The following BRSK1 variants were observed in gnomAD, a reference collection of about 807,000 sequenced individuals.
BRSK1 encodes serine/threonine-protein kinase BRSK1.
In BRSK1, 17 loss-of-function variants were observed where a neutral mutation model predicts 86.2. The ratio of observed to expected loss-of-function variants is 0.20; its 90% CI spans 0.14 to 0.30. The LOEUF (loss-of-function observed/expected upper bound fraction) is 0.30. Ranked by LOEUF, BRSK1 falls within the 10% of genes least tolerant of loss-of-function variation. The probability of loss-of-function intolerance (pLI) is 1.00; values close to 1 mark genes in which losing one functional copy is unlikely to be tolerated. For missense variants in BRSK1, 719 were observed against 1,071.9 expected (o/e 0.67, Z 4.60); for synonymous variants, 464 against 440.1 (o/e 1.05, Z -0.68).
rs2088647401 is a variant in BRSK1, at chr19:55,306,152, C to T, written c.1891-100C>T. 1 of 1,188,908 alleles carries T rather than the reference C, an allele frequency of 8.4e-7. No homozygotes were observed. The highest frequency in any genetic ancestry group is 1.2e-6 in the Non-Finnish European group (1 of 835,408). 73.6% of individuals were successfully genotyped at this position (1,188,908 alleles called of 1,614,324 possible). A position where few individuals can be genotyped will look rare whatever the true frequency, so the allele number is the denominator to read the frequency against. On this transcript the variant is annotated intron_variant, in intron 16 of 18. Coordinates refer to ENST00000309383, the MANE Select transcript of BRSK1 (RefSeq NM_032430.2). This position sits in a 1 kb window ranked among gnomAD's most constrained non-coding sequence, Gnocchi z 4.7. ...TGCATTTCCTGTCCTTCTTTCCCTCCAGTGGCTCATGGGACTCGTAGTTCC... is the reference window on the plus strand; with the variant it reads ...TGCATTTCCTGTCCTTCTTTCCCTCTAGTGGCTCATGGGACTCGTAGTTCC...
At position 55,303,221 on chromosome 19, in the gene BRSK1, T is replaced by C. The variant is rs1255104270; in HGVS notation, c.1029-90T>C. 2.9e-6 allele frequency: 3 copies of C among 1,029,490 alleles called. No homozygotes were observed. The African/African-American group carries it at 4.7e-5, about 16-fold the overall frequency. 63.8% of individuals were successfully genotyped at this position (1,029,490 alleles called of 1,614,324 possible). A position where few individuals can be genotyped will look rare whatever the true frequency, so the allele number is the denominator to read the frequency against. On this transcript the variant is annotated intron_variant, in intron 10 of 18. Coordinates refer to ENST00000309383, the MANE Select transcript of BRSK1 (RefSeq NM_032430.2). The surrounding 1 kb of genome is among the most constrained non-coding windows in gnomAD (Gnocchi z 5.1). The stretch of plus-strand genomic sequence containing the variant: ...GAAAAAATGGAACCATGGGCAGAAA[T>C]ACAGGGAGCGGAGGAGACCTCCTCT...
chr19:55,300,676 T>A (rs2122970628), intron 7 of BRSK1, among the ~76,000 whole-genome samples: 1 of 152,094 alleles, frequency 6.6e-6, no homozygotes, highest in East Asian at 1.9e-4. Context: ...CCGTCTCTAT[T>A]AAAAATAAAA....
rs575491180 is a variant in BRSK1 at position 55,296,173 on chromosome 19, C to T, written c.678+1776C>T. On this transcript the variant is annotated intron_variant, in intron 7 of 18. Coordinates refer to ENST00000309383, the MANE Select transcript of BRSK1 (RefSeq NM_032430.2). The stretch of plus-strand genomic sequence containing the variant: ...CTCCCCACTCCTGTAAGGTCAGACC[C>T]CCCTGTGGTAGGCTCCCTTCTTCCT... 2.9e-4 allele frequency among the ~76,000 whole-genome samples: 44 copies of T among 152,200 alleles called. 1 individual carries two copies. The highest frequency in any genetic ancestry group is 9.7e-4 in the East Asian group (5 of 5,168).
intron 3 of BRSK1, among the ~76,000 whole-genome samples, chr19:55,289,185 A>G (rs763977462): frequency 8.5e-5 from 13 of 152,118 alleles, no homozygotes; most frequent in African/African-American, 1.2e-4. Context: ...TGAAGCTGAC[A>G]TGGGAGGCTC....
intron 8 of BRSK1, 143 bp downstream of exon 8, chr19:55,301,801 G>A (rs2088572904): frequency 2.8e-6 from 3 of 1,085,334 alleles, no homozygotes; most frequent in Non-Finnish European, 3.9e-6. Context: ...CGCAGCCCAA[G>A]GTCCAGCACA....
chr19:55,303,597 A>C lies in BRSK1; in HGVS notation c.1127-70A>C, dbSNP rs2088603823. On this transcript the variant is annotated intron_variant, in intron 11 of 18. Coordinates refer to ENST00000309383, the MANE Select transcript of BRSK1 (RefSeq NM_032430.2). This position sits in a 1 kb window ranked among gnomAD's most constrained non-coding sequence, Gnocchi z 5.1. ...TCTAGGCCTGTTTCCCCATGTGTGCAGTTTCTGAGGCAGTTGTACACAGCT... is the reference window on the plus strand; with the variant it reads ...TCTAGGCCTGTTTCCCCATGTGTGCCGTTTCTGAGGCAGTTGTACACAGCT... The C allele has an allele frequency of 5.8e-6, 9 of 1,545,038 alleles. No individual in the cohort carries two copies. The highest frequency in any genetic ancestry group is 2.3e-5 in the East Asian group (1 of 44,304).
At position 55,289,537 on chromosome 19, in the gene BRSK1, G is replaced by A; in HGVS notation, c.375G>A (p.Lys125=). 3 of 1,614,108 alleles carry A rather than the reference G, an allele frequency of 1.9e-6. No homozygotes were observed. Among genetic ancestry groups the A allele is most frequent in the Non-Finnish European group, 2.5e-6 (3 of 1,180,026 alleles). The change falls in exon 4 of 19, where the codon AAG becomes AAA. Residue 125 remains lysine, a synonymous_variant. Transcript: ENST00000309383. ...AGCTATTCGACTACCTGGTAAAGAA[G>A]GGGAGACTGACGCCCAAGGAGGCCC... The part of the protein sequence containing the change: ...GGELFDYLVK[K]GRLTPKEARK...
At chr19:55,311,846 C>T (rs1433538112) in intron 18 of BRSK1, 65 bp from the exon 19 acceptor site, 4 of 1,550,236 alleles carry the variant, frequency 2.6e-6, no homozygotes, top group Non-Finnish European at 3.5e-6. Flanking sequence ...TGCCCCCATC[C>T]CCTGGTAATG....
At chr19:55,307,378 G>A (rs1251458926) in intron 17 of BRSK1, among the ~76,000 whole-genome samples, 1 of 151,764 alleles carries the variant, frequency 6.6e-6, no homozygotes, top group Non-Finnish European at 1.5e-5. Context: ...GGTGAAACCT[G>A]TCTCTACTAA....
intron 4 of BRSK1, among the ~76,000 whole-genome samples, chr19:55,293,757 C>T (rs914553011): frequency 6.6e-6 from 1 of 152,020 alleles, no homozygotes; most frequent in Non-Finnish European, 1.5e-5. Flanking sequence ...TTGCAGTGAG[C>T]CGAGATCATG....
chr19:55,306,553 G>A lies in BRSK1; in HGVS notation c.2089+103G>A. ...AGTGCAGCAGCAGGAGGAGGAAATG[G>A]TGTTCAGCTGGTGCCGACTCTCTGT... On this transcript the variant is annotated intron_variant, in intron 17 of 18. Transcript: ENST00000309383. The surrounding 1 kb of genome is among the most constrained non-coding windows in gnomAD (Gnocchi z 4.7). The A allele has an allele frequency of 7.3e-7, 1 of 1,374,444 alleles. No individual in the cohort carries two copies. 85.1% of individuals were successfully genotyped at this position (1,374,444 alleles called of 1,614,324 possible).
At chr19:55,288,498 A>G (rs1213413416) in intron 3 of BRSK1, among the ~76,000 whole-genome samples, 1 of 147,462 alleles carries the variant, frequency 6.8e-6, no homozygotes, top group African/African-American at 2.7e-5. Context: ...AAAAACTCCA[A>G]ACAACAACAA....
At chr19:55,291,225 C>T (rs921918567) in intron 4 of BRSK1, among the ~76,000 whole-genome samples, 9 of 152,080 alleles carry the variant, frequency 5.9e-5, no homozygotes, top group African/African-American at 2.2e-4. Flanking sequence ...CTGCGCCTGG[C>T]CTATGTGTCC....
Position 55,305,334 on chromosome 19 carries a change from G to A in BRSK1, c.1731G>A (p.Glu577=), listed in dbSNP as rs749223331. The A allele has an allele frequency of 2.5e-6, 4 of 1,614,156 alleles. No homozygotes were observed. The highest frequency in any genetic ancestry group is 1.7e-5 in the Admixed American group (1 of 60,024). ...TCCCCCTACCAGTCCCTACCGCTGA[G>A]GAGATGTCCAGCTTGACGCCAGAGT... ...HRRKMQVPTA[E]EMSSLTPESS... The change falls in exon 15 of 19, where the codon GAG becomes GAA. Residue 577 remains glutamate, a synonymous_variant. Coordinates refer to ENST00000309383, the MANE Select transcript of BRSK1 (RefSeq NM_032430.2).
chr19:55,301,537 A>G lies in BRSK1; in HGVS notation c.704A>G (p.Asn235Ser). The change falls in exon 8 of 19, where the codon AAC (asparagine) becomes AGC (serine). Residue 235 changes from asparagine to serine, a missense_variant. Asn to Ser is a conservative substitution (Grantham distance 46). Around this residue, in one of 6 missense-constraint regions of BRSK1, gnomAD observed 75 missense variants for 281.0 expected, o/e 0.27. Transcript: ENST00000309383. ...GGGGCTCTGCCCTTTGATGACGACA[A>G]CCTCCGCCAGCTGCTGGAGAAGGTG... ...LVGALPFDDD[N>S]LRQLLEKVKR... 1.9e-6 allele frequency: 3 copies of G among 1,613,432 alleles called. No homozygotes were observed. Among genetic ancestry groups the G allele is most frequent in the Non-Finnish European group, 2.5e-6 (3 of 1,179,876 alleles).
In BRSK1 at chr19:55,310,762, C is replaced by T. The variant is rs777374462; in HGVS notation, c.2180-1149C>T. ...TTTTCTCATGGTTGCTAGGGGCAAC[C>T]GGAAAGCAAATTAGGTCCACTGGAC... On this transcript the variant is annotated intron_variant, in intron 18 of 18. Coordinates refer to ENST00000309383, the MANE Select transcript of BRSK1 (RefSeq NM_032430.2). The surrounding 1 kb of genome is among the most constrained non-coding windows in gnomAD (Gnocchi z 5.0). 1.5e-4 allele frequency among the ~76,000 whole-genome samples: 23 copies of T among 152,104 alleles called. No individual in the cohort carries two copies. The highest frequency in any genetic ancestry group is 2.6e-4 in the Non-Finnish European group (18 of 68,024).
chr19:55,288,688 T>C (rs2088359951), intron 3 of BRSK1, among the ~76,000 whole-genome samples: 1 of 151,794 alleles, frequency 6.6e-6, no homozygotes, highest in Non-Finnish European at 1.5e-5. Context: ...TGGGTTCAAG[T>C]GATTCTCCTG....
rs73935344 is a variant in BRSK1, at chr19:55,301,933, G to A, written c.826-204G>A. 0.014 allele frequency: 11,216 copies of A among 800,850 alleles called. 824 individuals are homozygous for A. The African/African-American group carries it at 0.17, about 12-fold the overall frequency. 49.6% of individuals were successfully genotyped at this position (800,850 alleles called of 1,614,324 possible). ...ACTGCGCATGCGGCAAAGTAATGCG[G>A]CCGGTCCGGGGTACACGGAGACCGC... On this transcript the variant is annotated intron_variant, in intron 8 of 18. Coordinates refer to ENST00000309383, the MANE Select transcript of BRSK1 (RefSeq NM_032430.2).
Position 55,294,910 on chromosome 19 carries a change from TC to T in BRSK1, c.678+515del, listed in dbSNP as rs2088463526. 6.6e-6 allele frequency among the ~76,000 whole-genome samples: 1 copy of T among 152,174 alleles called. No individual in the cohort carries two copies. The highest frequency in any genetic ancestry group is 6.5e-5 in the Admixed American group (1 of 15,268). The stretch of plus-strand genomic sequence containing the variant: ...TACGCCGCCCGGGTTCAAGCTATTC[TC>T]CTGCCTCAGCTTCCCGATTAGCTGG... On this transcript the variant is annotated intron_variant, in intron 7 of 18. Transcript: ENST00000309383. The surrounding 1 kb of genome is among the most constrained non-coding windows in gnomAD (Gnocchi z 4.9).
Sources: gnomAD v4.1 joint callset for allele counts (sites outside exome capture counted in the v4.1 genomes callset) on GRCh38, gnomAD v4.1.1 for gene constraint, gnomAD v4.1.1 regional missense constraint, Gnocchi (gnomAD v3.1) non-coding constraint, MANE v1.5 for transcripts, NCBI Gene and HGNC (gene_info 2026-07-23, HGNC 2026-07-21) for gene names.